The following TNRC6B variants were observed in gnomAD, a reference collection of about 807,000 sequenced individuals.
The protein encoded by TNRC6B is trinucleotide repeat containing adaptor 6B, also known as trinucleotide repeat-containing gene 6B protein.
TNRC6B carries 52 observed loss-of-function variants against 203.6 expected under a neutral mutation model. That is an observed-to-expected ratio of 0.26 (90% CI 0.20 to 0.32). The LOEUF is 0.32. Ranked by LOEUF, TNRC6B falls within the 10% of genes least tolerant of loss-of-function variation. TNRC6B has a pLI of 1.00. For synonymous variants in TNRC6B, 838 were observed against 845.7 expected (o/e 0.99, Z 0.16); for missense variants, 1,923 against 2,286.2 (o/e 0.84, Z 3.24).
At chr22:40,198,859 G>T (rs1318621106) in intron 1 of TNRC6B, among the ~76,000 whole-genome samples, 3 of 152,072 alleles carry the variant, frequency 2.0e-5, no homozygotes, top group Non-Finnish European at 4.4e-5. Flanking sequence ...GGTAGTAGAG[G>T]GGGAGGGTGC....
chr22:40,100,061 A>ATTT (rs1569260008), intron 1 of TNRC6B, among the ~76,000 whole-genome samples: 38 of 112,158 alleles, frequency 3.4e-4, no homozygotes, highest in African/African-American at 1.3e-3. Flanking sequence ...CCTCCATTTT[A>ATTT]TTTTTATTAT....
At chr22:40,130,625 C>CAA (rs879357503) in intron 3 of TNRC6B, among the ~76,000 whole-genome samples, 2 of 137,454 alleles carry the variant, frequency 1.5e-5, no homozygotes, top group South Asian at 2.3e-4. Context: ...ACTAAAAATG[C>CAA]AAAAAAAAAA....
chr22:40,121,132 A>G (rs1482498367), intron 2 of TNRC6B, among the ~76,000 whole-genome samples: 1 of 152,138 alleles, frequency 6.6e-6, no homozygotes, highest in Non-Finnish European at 1.5e-5. Flanking sequence ...CTCCCCTAGC[A>G]TTCCCTAGCT....
At chr22:40,164,081 G>A (rs985556067) in intron 4 of TNRC6B, among the ~76,000 whole-genome samples, 19 of 152,082 alleles carry the variant, frequency 1.2e-4, no homozygotes, top group Non-Finnish European at 2.6e-4. Flanking sequence ...TTATTATAAA[G>A]CCTAATTCCA....
chr22:40,212,289 C>CCTGTCA (rs1338831133), intron 1 of TNRC6B, among the ~76,000 whole-genome samples: 1 of 152,152 alleles, frequency 6.6e-6, no homozygotes, highest in African/African-American at 2.4e-5. Flanking sequence ...GACCTTGGAC[C>CCTGTCA]CTGTCAGACA....
chr22:40,089,265 C>T (rs912574225), intron 1 of TNRC6B, among the ~76,000 whole-genome samples: 7 of 151,846 alleles, frequency 4.6e-5, no homozygotes, highest in African/African-American at 1.7e-4. Flanking sequence ...TGAAATCTCA[C>T]TTTGTCACCC....
chr22:40,235,143 T>C (rs2069930444), intron 1 of TNRC6B, among the ~76,000 whole-genome samples: 1 of 152,238 alleles, frequency 6.6e-6, no homozygotes, highest in Non-Finnish European at 1.5e-5. Flanking sequence ...CTTACTGTTT[T>C]ATAAGTTGCC....
At chr22:40,164,388 TAA>T (rs34013375) in intron 4 of TNRC6B, among the ~76,000 whole-genome samples, 15,752 of 128,012 alleles carry the variant, frequency 0.12, 964 homozygotes, top group Middle Eastern at 0.17. Flanking sequence ...ACTCTGCCTT[TAA>T]AAAAAAAAAA....
At chr22:40,138,292 G>C (rs1476679859) in intron 3 of TNRC6B, among the ~76,000 whole-genome samples, 1 of 152,222 alleles carries the variant, frequency 6.6e-6, no homozygotes, top group African/African-American at 2.4e-5. Flanking sequence ...TTGAGACGGA[G>C]TCTCGCTCTG....
chr22:40,285,596 C>T, intron 11 of TNRC6B, 49 bp from the exon 12 acceptor site: 3 of 1,585,802 alleles, frequency 1.9e-6, no homozygotes, highest in East Asian at 2.3e-5. Context: ...TTCTTACTTG[C>T]ATTTTCTTAT....
intron 3 of TNRC6B, among the ~76,000 whole-genome samples, chr22:40,258,284 T>C (rs1024121548): frequency 6.6e-6 from 1 of 152,046 alleles, no homozygotes; most frequent in Admixed American, 6.6e-5. Flanking sequence ...TTCAGACTTT[T>C]AATGATAGCT....
intron 1 of TNRC6B, among the ~76,000 whole-genome samples, chr22:40,187,312 A>G (rs2146388850): frequency 6.6e-6 from 1 of 152,344 alleles, no homozygotes; most frequent in African/African-American, 2.4e-5. Context: ...TCCTAGTGGA[A>G]TTTTTAGAAT....
chr22:40,125,920 A>G, intron 3 of TNRC6B: 1 of 1,509,102 alleles, frequency 6.6e-7, no homozygotes, highest in South Asian at 1.2e-5. Context: ...GAGGCTGTGG[A>G]TGAGTAGAAT....
chr22:40,316,909 G>A (rs996012216), intron 21 of TNRC6B, among the ~76,000 whole-genome samples: 1 of 152,130 alleles, frequency 6.6e-6, no homozygotes, highest in Non-Finnish European at 1.5e-5. Context: ...GATCTTACGG[G>A]GCAGAGAAAG....
intron 1 of TNRC6B, among the ~76,000 whole-genome samples, chr22:40,202,090 AGAACTTTGCC>A (rs919181576): frequency 2.6e-5 from 4 of 152,124 alleles, no homozygotes; most frequent in African/African-American, 9.7e-5. Flanking sequence ...TACTGTCTTG[AGAACTTTGCC>A]TGATGAGCTT....
In TNRC6B at chr22:40,177,964, G is replaced by T; in HGVS notation, c.-172G>T. On this transcript the variant is annotated 5_prime_UTR_variant, in exon 1 of 23. Coordinates refer to ENST00000454349, the MANE Select transcript of TNRC6B (RefSeq NM_001162501.2). ...AGAGAGAGAGCAAGAGGGAGAGTGT[G>T]TGAGAGAGAGTTAGTTCAAGCCAAA... is the stretch of plus-strand genomic sequence containing the variant. 1.4e-6 allele frequency: 2 copies of T among 1,453,652 alleles called. No individual in the cohort carries two copies. Among genetic ancestry groups the T allele is most frequent in the Non-Finnish European group, 1.8e-6 (2 of 1,110,042 alleles). 90.0% of individuals were successfully genotyped at this position (1,453,652 alleles called of 1,614,324 possible).
In TNRC6B at chr22:40,261,864, C is replaced by G; in HGVS notation, c.148C>G (p.Pro50Ala). ...AGTGACGAAACCAAGTTTAAGCCAA[C>G]CAACGGCCGCCAGCCCAATTGGCAG... ...PEVTKPSLSQPTAASPIGSSP... is the reference protein window; with the variant it reads ...PEVTKPSLSQATAASPIGSSP... Residue 50 changes from proline (P) to alanine (A), a missense_variant, in exon 4 of 23, where the codon CCA (proline) becomes GCA (alanine). Coordinates refer to ENST00000454349, the MANE Select transcript of TNRC6B (RefSeq NM_001162501.2). The G allele has an allele frequency of 6.3e-7, 1 of 1,582,202 alleles. No homozygotes were observed. Among genetic ancestry groups the G allele is most frequent in the Non-Finnish European group, 8.7e-7 (1 of 1,154,308 alleles).
chr22:40,151,410 A>G (rs946218818), intron 3 of TNRC6B, among the ~76,000 whole-genome samples: 1 of 151,898 alleles, frequency 6.6e-6, no homozygotes, highest in African/African-American at 2.4e-5. Context: ...CTAAAAATGC[A>G]CGCCTGTAAT....
At chr22:40,289,094 C>A (rs1033462980) in intron 12 of TNRC6B, among the ~76,000 whole-genome samples, 1 of 152,070 alleles carries the variant, frequency 6.6e-6, no homozygotes, top group Non-Finnish European at 1.5e-5. Context: ...GGATTACAGG[C>A]GTGAGCCACC....
Sources: gnomAD v4.1 joint callset for allele counts (sites outside exome capture counted in the v4.1 genomes callset) on GRCh38, gnomAD v4.1.1 for gene constraint, MANE v1.5 for transcripts, NCBI Gene and HGNC (gene_info 2026-07-23, HGNC 2026-07-21) for gene names.